ATPSCKMT: variants seen among roughly 807,000 people sequenced by gnomAD.
ATPSCKMT encodes ATP synthase c subunit lysine N-methyltransferase.
A neutral mutation model predicts 24.3 loss-of-function variants in ATPSCKMT; 24 were observed. The observed-to-expected ratio is 0.99, with a 90% CI of 0.71 to 1.39. ATPSCKMT has a LOEUF of 1.39. Ranked by LOEUF, ATPSCKMT falls within the 40% of genes most tolerant of loss-of-function variation. ATPSCKMT has a pLI of 0.00. For synonymous variants in ATPSCKMT, 95 were observed against 110.5 expected (o/e 0.86, Z 0.88); for missense variants, 311 against 298.4 (o/e 1.04, Z -0.31).
At position 10,246,181 on chromosome 5, in the gene ATPSCKMT, G is replaced by A. The variant is rs180677785; in HGVS notation, c.16+3677C>T. 8.4e-3 allele frequency among the ~76,000 whole-genome samples: 1,272 copies of A among 152,146 alleles called. 3 individuals carry two copies. The highest frequency in any genetic ancestry group is 0.02 in the Middle Eastern group (6 of 294). The stretch of plus-strand genomic sequence containing the variant: ...ACAGTGGCTCACGCCTGCAATCCCA[G>A]CACTTTGGGAGGCCGAGGTGGGCGG... On this transcript the variant is annotated intron_variant, in intron 1 of 4. Transcript: ENST00000511437.
At chr5:10,237,849 C>T (rs1319620632) in intron 2 of ATPSCKMT, among the ~76,000 whole-genome samples, 3 of 152,114 alleles carry the variant, frequency 2.0e-5, no homozygotes, top group Admixed American at 6.5e-5. Context: ...CAGGTTCAAG[C>T]GATTCTCCTG....
At chr5:10,233,657 C>A (rs1027764646) in intron 4 of ATPSCKMT, among the ~76,000 whole-genome samples, 1 of 152,114 alleles carries the variant, frequency 6.6e-6, no homozygotes, top group African/African-American at 2.4e-5. Context: ...CCTGGAGTGA[C>A]GATGACTACC....
intron 4 of ATPSCKMT, among the ~76,000 whole-genome samples, chr5:10,230,141 A>ACT (rs10639777): frequency 0.61 from 92,830 of 151,792 alleles, 29,615 homozygotes; most frequent in East Asian, 0.86. Flanking sequence ...GCTCAGAAAA[A>ACT]CTTCTACATG....
intron 4 of ATPSCKMT, 65 bp downstream of exon 4, chr5:10,235,146 T>G (rs774962767): frequency 3.1e-5 from 46 of 1,474,824 alleles, no homozygotes; most frequent in Non-Finnish European, 4.2e-5. Flanking sequence ...AGTGGTGGTG[T>G]TGTGGCTGGA....
rs1201839055 is a variant in ATPSCKMT, at chr5:10,235,107, T to C, written c.495+104A>G. The C allele has an allele frequency of 1.3e-5, 12 of 955,586 alleles. No individual in the cohort carries two copies. The African/African-American group carries it at 1.7e-4, about 13-fold the overall frequency. The allele number at this position is 955,586 out of a possible 1,614,324, so 59.2% of individuals were successfully genotyped here. A position where few individuals can be genotyped will look rare whatever the true frequency, so the allele number is the denominator to read the frequency against. ...CTGAAATCCAGTGTTCCCTAAAATC[T>C]CTGGGAGGCCATCACCCTCACACGG... On this transcript the variant is annotated intron_variant, in intron 4 of 4. Transcript: ENST00000511437.
In ATPSCKMT at chr5:10,236,502, T is replaced by C. The variant is rs1173462373; in HGVS notation, c.420A>G (p.Lys140=). The change falls in exon 3 of 5, where the codon AAA becomes AAG. Residue 140 remains lysine (K), a synonymous_variant. Transcript: ENST00000511437. Reference sequence around the variant, plus strand: ...CCTTCCACAAATCTGAAATATAAAATTTGGCAGATCCATGCACACCTTCTC... The same window carrying C: ...CCTTCCACAAATCTGAAATATAAAACTTGGCAGATCCATGCACACCTTCTC... ...AWREGVHGSA[K]FYISDLWKVT... is the part of the protein sequence containing the mutation. 2.5e-6 allele frequency: 4 copies of C among 1,614,196 alleles called. No homozygotes were observed. The highest frequency in any genetic ancestry group is 3.4e-6 in the Non-Finnish European group (4 of 1,180,036).
intron 1 of ATPSCKMT, among the ~76,000 whole-genome samples, chr5:10,241,063 T>G (rs573505870): frequency 6.6e-6 from 1 of 151,664 alleles, no homozygotes; most frequent in East Asian, 1.9e-4. Context: ...CAGTCTGAAA[T>G]GAATTGGCAG....
At chr5:10,234,903 G>A (rs892953511) in intron 4 of ATPSCKMT, among the ~76,000 whole-genome samples, 1 of 152,188 alleles carries the variant, frequency 6.6e-6, no homozygotes. Flanking sequence ...GGAAGTGAGC[G>A]GCTGTGAAAA....
Position 10,227,182 on chromosome 5 carries a change from T to C in ATPSCKMT, c.*259A>G, listed in dbSNP as rs566293385. On this transcript the variant is annotated 3_prime_UTR_variant, in exon 5 of 5. Coordinates refer to ENST00000511437, the MANE Select transcript of ATPSCKMT (RefSeq NM_199133.4). ...CATCTTATTTTCCTACCCATAACCA[T>C]GACCATCACTTATTCATCTTTTCAT... is the stretch of plus-strand genomic sequence containing the variant. 37 of 474,096 alleles carry C rather than the reference T, an allele frequency of 7.8e-5. No homozygotes were observed. The highest frequency in any genetic ancestry group is 2.9e-4 in the African/African-American group (15 of 51,252). The allele number at this position is 474,096 out of a possible 1,614,324, so 29.4% of individuals were successfully genotyped here.
At chr5:10,238,440 C>T (rs947659359) in intron 2 of ATPSCKMT, among the ~76,000 whole-genome samples, 1 of 152,222 alleles carries the variant, frequency 6.6e-6, no homozygotes, top group African/African-American at 2.4e-5. Context: ...ATAGCACCAG[C>T]CTTTCCCACT....
chr5:10,249,687 A>C, intron 1 of ATPSCKMT, 171 bp downstream of exon 1: 3 of 1,076,238 alleles, frequency 2.8e-6, no homozygotes, highest in Non-Finnish European at 3.9e-6. Context: ...CGGCGCGGGC[A>C]CCGCGCGGCG....
At chr5:10,248,227 ACTAGT>A (rs3995690) in intron 1 of ATPSCKMT, 111,215 of 151,550 alleles carry the variant, frequency 0.73, 43,023 homozygotes, top group East Asian at 0.86. Context: ...CCTTTCTTAT[ACTAGT>A]CTAATGTCAT....
chr5:10,232,890 T>C (rs1744215029), intron 4 of ATPSCKMT, among the ~76,000 whole-genome samples: 1 of 152,218 alleles, frequency 6.6e-6, no homozygotes, highest in African/African-American at 2.4e-5. Flanking sequence ...TGCTCTGCAC[T>C]TTGAAAAGAT....
At chr5:10,239,436 T>C (rs1282946462) in intron 1 of ATPSCKMT, 80 bp from the exon 2 acceptor site, 4 of 1,257,790 alleles carry the variant, frequency 3.2e-6, no homozygotes, top group South Asian at 1.4e-5. Context: ...ACAATTCTCA[T>C]TGGCAAACAA....
chr5:10,228,350 A>G (rs769305701), intron 4 of ATPSCKMT, among the ~76,000 whole-genome samples: 220 of 152,272 alleles, frequency 1.4e-3, no homozygotes, highest in Non-Finnish European at 2.3e-3. Context: ...GAAATATTTC[A>G]TAATTTTTAA....
At chr5:10,244,072 T>C (rs1386517658) in intron 1 of ATPSCKMT, among the ~76,000 whole-genome samples, 1 of 152,158 alleles carries the variant, frequency 6.6e-6, no homozygotes, top group Non-Finnish European at 1.5e-5. Context: ...AATTTCAATG[T>C]TGTTGTGTCT....
In ATPSCKMT at chr5:10,225,777, T is replaced by C. The variant is rs1232496744; in HGVS notation, c.*1664A>G. Among the ~76,000 whole-genome samples the C allele has an allele frequency of 6.6e-6, 1 of 152,160 alleles. No homozygotes were observed. Among genetic ancestry groups the C allele is most frequent in the African/African-American group, 2.4e-5 (1 of 41,518 alleles). On this transcript the variant is annotated 3_prime_UTR_variant, in exon 5 of 5. Transcript: ENST00000511437. Reference sequence around the variant, plus strand: ...CAGCCAAACCATATCAATGCCTCTATAAACCCACCAGGAACACTTCTAGAA... The same window carrying C: ...CAGCCAAACCATATCAATGCCTCTACAAACCCACCAGGAACACTTCTAGAA...
chr5:10,240,108 C>A (rs1363386183), intron 1 of ATPSCKMT, among the ~76,000 whole-genome samples: 1 of 151,356 alleles, frequency 6.6e-6, no homozygotes, highest in African/African-American at 2.4e-5. Context: ...GTGGCGGGCG[C>A]CTGTAGTCCC....
At chr5:10,240,209 G>T (rs2578632) in intron 1 of ATPSCKMT, among the ~76,000 whole-genome samples, 80,689 of 150,198 alleles carry the variant, frequency 0.54, 24,106 homozygotes, top group East Asian at 0.85. Flanking sequence ...ACTCCAGCCG[G>T]GGTGACAGAG....
Sources: allele counts gnomAD v4.1 joint callset (sites outside exome capture counted in the v4.1 genomes callset), GRCh38; gene constraint gnomAD v4.1.1; transcripts MANE v1.5; gene names NCBI Gene and HGNC (gene_info 2026-07-23, HGNC 2026-07-21).